The following ST13 variants were observed in gnomAD, a reference collection of about 807,000 sequenced individuals.
ST13 encodes ST13 Hsp70 interacting protein, also known as hsc70-interacting protein.
Under a neutral mutation model 56.7 loss-of-function variants are expected in ST13, and 23 were observed. The ratio of observed to expected loss-of-function variants is 0.41; its 90% CI spans 0.29 to 0.57. The LOEUF is 0.57. ST13 is among the 20% of genes least tolerant of loss of function. The pLI is 0.36. For synonymous variants in ST13, 132 were observed against 142.4 expected, an observed-to-expected ratio of 0.93 and a Z score of 0.52; for missense variants, 369 against 459.9, an observed-to-expected ratio of 0.80 and a Z score of 1.81.
intron 7 of ST13, among the ~76,000 whole-genome samples, chr22:40,833,743 C>T (rs2145735318): frequency 6.6e-6 from 1 of 151,976 alleles, no homozygotes; most frequent in South Asian, 2.1e-4. Context: ...TGGTAGCGCA[C>T]ACCTGTAATC....
chr22:40,848,174 TAA>T, intron 3 of ST13, 118 bp downstream of exon 3: 2 of 669,844 alleles, frequency 3.0e-6, no homozygotes, highest in Non-Finnish European at 5.3e-6. Flanking sequence ...TAGAACATTC[TAA>T]GTTTCATATG....
intron 7 of ST13, 116 bp downstream of exon 7, chr22:40,835,444 C>T (rs958368356): frequency 1.2e-6 from 1 of 824,708 alleles, no homozygotes; most frequent in Non-Finnish European, 2.0e-6. Context: ...ACTAAGTACA[C>T]ACTAATTTGA....
At chr22:40,848,870 G>A (rs1457202334) in intron 2 of ST13, among the ~76,000 whole-genome samples, 1 of 152,106 alleles carries the variant, frequency 6.6e-6, no homozygotes, top group Admixed American at 6.5e-5. Flanking sequence ...TCTTTACAAG[G>A]GTTTTTGAGT....
chr22:40,847,370 T>C (rs1447824866), intron 3 of ST13, among the ~76,000 whole-genome samples: 1 of 147,970 alleles, frequency 6.8e-6, no homozygotes, highest in East Asian at 2.0e-4. Flanking sequence ...GGCAAAACCC[T>C]GTCTCTACAA....
At chr22:40,829,473 A>G (rs1249356320) in intron 10 of ST13, among the ~76,000 whole-genome samples, 153 bp downstream of exon 10, 1 of 152,228 alleles carries the variant, frequency 6.6e-6, no homozygotes, top group Non-Finnish European at 1.5e-5. Context: ...TTTATGCCTA[A>G]TAATTCCATC....
At position 40,856,479 on chromosome 22, in the gene ST13, C is replaced by T; in HGVS notation, c.62G>A (p.Ser21Asn). Residue 21 changes from serine to asparagine, a missense_variant, in exon 1 of 12, where the codon AGC becomes AAC. Ser to Asn is a conservative substitution (Grantham distance 46, BLOSUM62 1). Transcript: ENST00000216218. ...AFVKMCKQDP[S>N]VLHTEEMRFL... ...GCGCATTTCCTCGGTGTGCAGAACG[C>T]TCGGATCCTGCTTACACATTTTCAC... 6.2e-7 allele frequency: 1 copy of T among 1,613,618 alleles called. No individual in the cohort carries two copies. Among genetic ancestry groups the T allele is most frequent in the Non-Finnish European group, 8.5e-7 (1 of 1,179,740 alleles).
At chr22:40,832,299 G>T in intron 8 of ST13, 1 of 498,694 alleles carries the variant, frequency 2.0e-6, no homozygotes. Context: ...TTGTAAACCT[G>T]ATACCCCCTT....
At position 40,840,633 on chromosome 22, in the gene ST13, T is replaced by G. The variant is rs531034202; in HGVS notation, c.375A>C (p.Leu125=). The change falls in exon 5 of 12, where the codon CTA becomes CTC. Residue 125 remains leucine, a synonymous_variant. Coordinates refer to ENST00000216218, the MANE Select transcript of ST13 (RefSeq NM_003932.5). ...AGCAAAAAGATTACTCACCATCATT[T>G]AGGGCTTCAATAGCAGCCACTTTTT... is the stretch of plus-strand genomic sequence containing the variant. ...NDKKVAAIEA[L]NDGELQKAID... 2.4e-4 allele frequency: 381 copies of G among 1,609,884 alleles called. No individual in the cohort carries two copies. The highest frequency in any genetic ancestry group is 3.1e-4 in the Non-Finnish European group (361 of 1,178,966).
Position 40,830,878 on chromosome 22 carries a change from C to G in ST13, c.760G>C (p.Val254Leu). The G allele has an allele frequency of 6.2e-7, 1 of 1,608,152 alleles. No individual in the cohort carries two copies. ...TCATGCTCTTCTCGAGCCTTCTTAA[C>G]TCGTTCTATTCTTTCTTTGATCTCT... Reference protein sequence around the residue: ...EREIKERIERVKKAREEHERA... With the variant: ...EREIKERIERLKKAREEHERA... Residue 254 changes from valine (V) to leucine (L), a missense_variant, in exon 9 of 12, where the codon GTT becomes CTT. Around this residue, in one of 3 missense-constraint regions of ST13, gnomAD observed 136 missense variants for 159.2 expected, o/e 0.85. Coordinates refer to ENST00000216218, the MANE Select transcript of ST13 (RefSeq NM_003932.5).
At position 40,856,492 on chromosome 22, in the gene ST13, T is replaced by G; in HGVS notation, c.49A>C (p.Lys17Gln). 6.2e-7 allele frequency: 1 copy of G among 1,613,498 alleles called. No individual in the cohort carries two copies. Among genetic ancestry groups the G allele is most frequent in the Non-Finnish European group, 8.5e-7 (1 of 1,179,730 alleles). The change falls in exon 1 of 12, where the codon AAG (lysine) becomes CAG (glutamine). Residue 17 changes from lysine to glutamine, a missense_variant. By Grantham distance (53) the Lys-to-Gln change is moderately conservative. This residue lies in a region of ST13 where 169 missense variants were observed against 175.6 expected (regional missense o/e 0.96). Transcript: ENST00000216218. ...GTGTGCAGAACGCTCGGATCCTGCT[T>G]ACACATTTTCACAAAGGCCCGAAGC... ...NELRAFVKMC[K>Q]QDPSVLHTEE...
At chr22:40,848,753 A>ATT in intron 2 of ST13, among the ~76,000 whole-genome samples, 1 of 152,208 alleles carries the variant, frequency 6.6e-6, no homozygotes, top group Non-Finnish European at 1.5e-5. Flanking sequence ...AAAAATAAAA[A>ATT]AACAACTGTT....
chr22:40,840,562 A>G (rs1226637022), intron 5 of ST13, 64 bp downstream of exon 5: 3 of 1,416,556 alleles, frequency 2.1e-6, no homozygotes, highest in Non-Finnish European at 3.0e-6. Flanking sequence ...CTACTTTACC[A>G]CTATTTAAGT....
intron 9 of ST13, among the ~76,000 whole-genome samples, chr22:40,830,057 T>C (rs755300013): frequency 1.1e-4 from 16 of 152,194 alleles, no homozygotes; most frequent in Non-Finnish European, 2.2e-4. Context: ...TCTCCCTACA[T>C]AATACAAATG....
intron 2 of ST13, among the ~76,000 whole-genome samples, chr22:40,849,448 C>T (rs1211710216): frequency 3.4e-5 from 5 of 146,232 alleles, no homozygotes; most frequent in Non-Finnish European, 5.9e-5. Flanking sequence ...CCACTGCACT[C>T]CAGCCTGGGC....
Position 40,840,516 on chromosome 22 carries a change from T to G in ST13, c.382+110A>C, listed in dbSNP as rs113097960. ...GGTGACTGGATAATAGGACACTATC[T>G]TCTCCAGTATAGGACAGGTACATGT... On this transcript the variant is annotated intron_variant, in intron 5 of 11. Coordinates refer to ENST00000216218, the MANE Select transcript of ST13 (RefSeq NM_003932.5). The G allele has an allele frequency of 9.0e-4, 801 of 889,312 alleles. 1 individual carries two copies. Among genetic ancestry groups the G allele is most frequent in the Middle Eastern group, 2.1e-3 (6 of 2,926 alleles). The allele number at this position is 889,312 out of a possible 1,614,324, so 55.1% of individuals were successfully genotyped here. A position where few individuals can be genotyped will look rare whatever the true frequency, so the allele number is the denominator to read the frequency against.
intron 5 of ST13, among the ~76,000 whole-genome samples, chr22:40,838,705 G>T (rs898835795): frequency 6.6e-6 from 1 of 152,108 alleles, no homozygotes; most frequent in Admixed American, 6.6e-5. Flanking sequence ...AGGCTGCAGT[G>T]AGCCATGACC....
rs977952372 is a variant in ST13, at chr22:40,856,344, G to C, written c.110+87C>G. 12 of 1,204,724 alleles carry C rather than the reference G, an allele frequency of 1.0e-5. No individual in the cohort carries two copies. The South Asian group carries it at 1.4e-4, about 14-fold the overall frequency. 74.6% of individuals were successfully genotyped at this position (1,204,724 alleles called of 1,614,324 possible). ...AAAGAAGGGGCAGCGACCCCGCCTC[G>C]CCCGCCGGACCGAGCCAGGTCCAGC... On this transcript the variant is annotated intron_variant, in intron 1 of 11. Coordinates refer to ENST00000216218, the MANE Select transcript of ST13 (RefSeq NM_003932.5).
At chr22:40,850,753 G>C in intron 2 of ST13, 70 bp downstream of exon 2, 2 of 1,218,624 alleles carry the variant, frequency 1.6e-6, no homozygotes. Flanking sequence ...GAGAGCAGCA[G>C]TTTAAAAACA....
chr22:40,849,909 T>A (rs2057852590), intron 2 of ST13, among the ~76,000 whole-genome samples: 1 of 44,400 alleles, frequency 2.3e-5, no homozygotes, highest in Non-Finnish European at 4.6e-5. Context: ...ATCAGAAAAT[T>A]TGCAAAAAAA....
Sources: allele counts gnomAD v4.1 joint callset (sites outside exome capture counted in the v4.1 genomes callset), GRCh38; gene constraint gnomAD v4.1.1; regional missense constraint gnomAD v4.1.1; transcripts MANE v1.5; gene names NCBI Gene and HGNC (gene_info 2026-07-23, HGNC 2026-07-21).